CYP19A1: variants seen among roughly 807,000 people sequenced by gnomAD.
CYP19A1 encodes cytochrome P450 family 19 subfamily A member 1.
CYP19A1 carries 32 observed loss-of-function variants against 44.4 expected under a neutral mutation model. The observed-to-expected ratio is 0.72, with a 90% CI of 0.54 to 0.97. The LOEUF is 0.97. Ranked by LOEUF, CYP19A1 falls within the 50% of genes least tolerant of loss-of-function variation. The pLI, the probability that CYP19A1 is intolerant of heterozygous loss-of-function variation, is 0.00. For missense variants in CYP19A1, 598 were observed against 637.8 expected (o/e 0.94, Z 0.67); for synonymous variants, 212 against 215.6 (o/e 0.98, Z 0.14).
intron 1 of CYP19A1, among the ~76,000 whole-genome samples, chr15:51,285,958 T>C (rs911089229): frequency 2.0e-5 from 3 of 152,118 alleles, no homozygotes; most frequent in African/African-American, 4.8e-5. Flanking sequence ...ACAGTCTCAC[T>C]CCTAAACACC....
At chr15:51,224,898 C>G (rs914231363) in intron 4 of CYP19A1, among the ~76,000 whole-genome samples, 1 of 152,186 alleles carries the variant, frequency 6.6e-6, no homozygotes, top group African/African-American at 2.4e-5. Flanking sequence ...TCATGTCTAT[C>G]TATTTGTCTG....
intron 1 of CYP19A1, among the ~76,000 whole-genome samples, chr15:51,264,045 T>C (rs546512890): frequency 2.6e-5 from 4 of 152,268 alleles, no homozygotes; most frequent in Admixed American, 2.6e-4. Context: ...CCATGGCCTC[T>C]GAGCTAGATA....
In CYP19A1 at chr15:51,223,618, C is replaced by CAA. The variant is rs1406792300; in HGVS notation, c.452-1094_452-1093insTT. 3.3e-5 allele frequency among the ~76,000 whole-genome samples: 5 copies of CAA among 151,204 alleles called. No individual in the cohort carries two copies. The East Asian group carries it at 7.8e-4, about 24-fold the overall frequency. On this transcript the variant is annotated intron_variant, in intron 4 of 9. Coordinates refer to ENST00000396402, the MANE Select transcript of CYP19A1 (RefSeq NM_000103.4). The stretch of plus-strand genomic sequence containing the variant: ...TCACACACACACACACACACACACA[C>CAA]ACACACACACACACACACTGGGTTA...
intron 1 of CYP19A1, among the ~76,000 whole-genome samples, chr15:51,317,831 C>A (rs1004305726): frequency 6.6e-6 from 1 of 152,208 alleles, no homozygotes; most frequent in African/African-American, 2.4e-5. Flanking sequence ...TCCAAGGTCA[C>A]CCAGCCAGGG....
At chr15:51,257,531 T>C (rs1355437529) in intron 1 of CYP19A1, among the ~76,000 whole-genome samples, 1 of 152,148 alleles carries the variant, frequency 6.6e-6, no homozygotes, top group Non-Finnish European at 1.5e-5. Flanking sequence ...AGGGTGAAGC[T>C]CACAGGACTG....
chr15:51,288,239 A>G (rs1336756407), intron 1 of CYP19A1, among the ~76,000 whole-genome samples: 1 of 152,126 alleles, frequency 6.6e-6, no homozygotes, highest in Non-Finnish European at 1.5e-5. Context: ...AGGTCCTGAC[A>G]GCTGAGTTAC....
intron 4 of CYP19A1, among the ~76,000 whole-genome samples, chr15:51,224,113 C>T (rs765026693): frequency 1.1e-4 from 16 of 152,124 alleles, no homozygotes; most frequent in Non-Finnish European, 1.6e-4. Flanking sequence ...ACACATTTCT[C>T]GGCAGTTTTG....
chr15:51,294,763 T>C (rs1393450192), intron 1 of CYP19A1, among the ~76,000 whole-genome samples: 5 of 149,770 alleles, frequency 3.3e-5, no homozygotes, highest in Non-Finnish European at 3.0e-5. Context: ...TCTGCCCGGC[T>C]GCCCCTACTG....
At chr15:51,229,657 G>T (rs1006172853) in intron 3 of CYP19A1, among the ~76,000 whole-genome samples, 1 of 152,036 alleles carries the variant, frequency 6.6e-6, no homozygotes, top group Non-Finnish European at 1.5e-5. Context: ...GAAAAATTAT[G>T]CTATAGGAAG....
chr15:51,209,418 C>G lies in CYP19A1; in HGVS notation c.*1390G>C, dbSNP rs1434159235. ...ATCTTATACTCAGCTTATTACTAGA[C>G]AGTAGGATGAAAAGAACAGTCAAAT... On this transcript the variant is annotated 3_prime_UTR_variant, in exon 10 of 10. Transcript: ENST00000396402. 1 of 152,092 alleles carries G rather than the reference C, an allele frequency of 6.6e-6. No individual in the cohort carries two copies. Among genetic ancestry groups the G allele is most frequent in the Non-Finnish European group, 1.5e-5 (1 of 68,026 alleles). The allele number at this position is 152,092 out of a possible 1,614,324, so 9.4% of individuals were successfully genotyped here. A position where few individuals can be genotyped will look rare whatever the true frequency, so the allele number is the denominator to read the frequency against.
At chr15:51,234,404 G>T (rs1007381425) in intron 3 of CYP19A1, among the ~76,000 whole-genome samples, 7 of 152,174 alleles carry the variant, frequency 4.6e-5, no homozygotes, top group African/African-American at 1.7e-4. Flanking sequence ...AGTCGGTCGG[G>T]GTTGTTGGAG....
chr15:51,313,729 G>A (rs573734632), intron 1 of CYP19A1, among the ~76,000 whole-genome samples: 12 of 152,214 alleles, frequency 7.9e-5, no homozygotes, highest in African/African-American at 1.7e-4. Context: ...CCTGGGAGGC[G>A]GAGGTTGCAG....
intron 1 of CYP19A1, among the ~76,000 whole-genome samples, chr15:51,309,353 T>G (rs1385591631): frequency 6.6e-6 from 1 of 152,214 alleles, no homozygotes; most frequent in Non-Finnish European, 1.5e-5. Flanking sequence ...AGCTACCCGG[T>G]CTATGGTAAT....
chr15:51,274,488 C>G (rs1054737993), intron 1 of CYP19A1, among the ~76,000 whole-genome samples: 3 of 152,212 alleles, frequency 2.0e-5, no homozygotes, highest in Non-Finnish European at 4.4e-5. Context: ...GTGAAGAGCT[C>G]TCTTCGTATT....
chr15:51,328,544 AGG>A (rs2036648590), intron 1 of CYP19A1, among the ~76,000 whole-genome samples: 2 of 124,448 alleles, frequency 1.6e-5, no homozygotes, highest in Non-Finnish European at 3.2e-5. Flanking sequence ...GTTACAGGGC[AGG>A]GGTGTGTGTG....
intron 5 of CYP19A1, among the ~76,000 whole-genome samples, chr15:51,220,555 T>C (rs937921459): frequency 2.6e-5 from 4 of 152,240 alleles, no homozygotes; most frequent in Middle Eastern, 3.2e-3. Context: ...GAGTTGTACA[T>C]ACTTAATGCC....
At chr15:51,271,996 T>C (rs2035142785) in intron 1 of CYP19A1, among the ~76,000 whole-genome samples, 2 of 152,244 alleles carry the variant, frequency 1.3e-5, no homozygotes, top group South Asian at 4.1e-4. Flanking sequence ...TATTGTCCTA[T>C]ATCACCAAGT....
chr15:51,243,303 G>A (rs1056494638), intron 1 of CYP19A1, among the ~76,000 whole-genome samples: 1 of 152,162 alleles, frequency 6.6e-6, no homozygotes, highest in Non-Finnish European at 1.5e-5. Context: ...TCCAGAGGTG[G>A]AGTCATTTTG....
At chr15:51,211,296 G>A (rs1468990100) in intron 9 of CYP19A1, among the ~76,000 whole-genome samples, 2 of 152,100 alleles carry the variant, frequency 1.3e-5, no homozygotes, top group Non-Finnish European at 2.9e-5. Context: ...CATGTGCTGG[G>A]GTAAAGCAAT....
Sources: gnomAD v4.1 joint callset for allele counts (sites outside exome capture counted in the v4.1 genomes callset) on GRCh38, gnomAD v4.1.1 for gene constraint, MANE v1.5 for transcripts, NCBI Gene and HGNC (gene_info 2026-07-23, HGNC 2026-07-21) for gene names.